NAV3: variants seen among roughly 807,000 people sequenced by gnomAD.
NAV3 encodes the protein neuron navigator 3.
NAV3 carries 87 observed loss-of-function variants against 244.7 expected under a neutral mutation model. The ratio of observed to expected loss-of-function variants is 0.36; its 90% confidence interval spans 0.30 to 0.42. NAV3 has a LOEUF of 0.42. Among genes scored for constraint, NAV3 ranks in the 20% least tolerant of loss-of-function variants. The pLI, the probability that NAV3 is intolerant of heterozygous loss-of-function variation, is 1.00. For missense variants in NAV3, 2,663 were observed against 2,893.3 expected (o/e 0.92, Z 1.83); for synonymous variants, 1,126 against 1,042.2 (o/e 1.08, Z -1.55).
chr12:78,156,524 C>T (rs1957311531), intron 22 of NAV3, among the ~76,000 whole-genome samples: 2 of 151,954 alleles, frequency 1.3e-5, no homozygotes, highest in Admixed American at 1.3e-4. Flanking sequence ...AACTTTAATT[C>T]ATATTAAATT....
intron 30 of NAV3, 107 bp from the exon 31 acceptor site, chr12:78,185,494 C>T (rs932976030): frequency 7.5e-6 from 7 of 929,752 alleles, no homozygotes; most frequent in Non-Finnish European, 1.1e-5. Flanking sequence ...GAATGGGAAG[C>T]AAATCCCATT....
intron 1 of NAV3, among the ~76,000 whole-genome samples, chr12:77,871,363 C>T (rs921626331): frequency 3.9e-5 from 6 of 151,992 alleles, no homozygotes; most frequent in Admixed American, 6.6e-5. Flanking sequence ...TAGGTAGACA[C>T]GTGCCATAAT....
chr12:77,836,426 G>C (rs1874644838), intron 1 of NAV3, among the ~76,000 whole-genome samples: 1 of 152,110 alleles, frequency 6.6e-6, no homozygotes, highest in Non-Finnish European at 1.5e-5. Context: ...GCAAACTCAA[G>C]ATTCTGTTTT....
intron 1 of NAV3, among the ~76,000 whole-genome samples, chr12:77,896,018 C>G (rs1250127967): frequency 7.0e-6 from 1 of 143,422 alleles, no homozygotes; most frequent in Non-Finnish European, 1.5e-5. Flanking sequence ...CAGTGAAAAT[C>G]TTTTACAAAA....
At chr12:77,814,663 C>T (rs1872457604) in intron 2 of NAV3, among the ~76,000 whole-genome samples, 2 of 152,094 alleles carry the variant, frequency 1.3e-5, no homozygotes, top group Admixed American at 6.5e-5. Flanking sequence ...CTACTTTCGT[C>T]CTTAATTAGA....
chr12:77,979,370 C>G (rs992403572), intron 5 of NAV3, among the ~76,000 whole-genome samples: 21 of 151,746 alleles, frequency 1.4e-4, no homozygotes, highest in African/African-American at 5.1e-4. Context: ...CCAGCCTGGT[C>G]ACAGAGATTC....
intron 9 of NAV3, among the ~76,000 whole-genome samples, chr12:78,035,656 A>T (rs1351693983): frequency 6.6e-6 from 1 of 152,166 alleles, no homozygotes; most frequent in Non-Finnish European, 1.5e-5. Context: ...CTTGACCATA[A>T]ACTTTCAATT....
intron 2 of NAV3, among the ~76,000 whole-genome samples, chr12:77,621,826 C>G (rs957990712): frequency 1.3e-5 from 2 of 152,068 alleles, no homozygotes; most frequent in Non-Finnish European, 2.9e-5. Flanking sequence ...CCTCCTTGAT[C>G]TCAAGAAGTC....
intron 2 of NAV3, among the ~76,000 whole-genome samples, chr12:77,587,654 T>C (rs1869679852): frequency 6.6e-6 from 1 of 152,194 alleles, no homozygotes; most frequent in Non-Finnish European, 1.5e-5. Flanking sequence ...AATGTAAAAT[T>C]AAAGGAGTCA....
At chr12:77,778,504 C>G (rs780779355) in intron 2 of NAV3, among the ~76,000 whole-genome samples, 1 of 150,332 alleles carries the variant, frequency 6.7e-6, no homozygotes, top group Non-Finnish European at 1.5e-5. Flanking sequence ...CCCAGCTACT[C>G]GGGAGGCTGA....
chr12:77,708,892 A>G (rs1875965239), intron 2 of NAV3, among the ~76,000 whole-genome samples: 1 of 152,076 alleles, frequency 6.6e-6, no homozygotes, highest in African/African-American at 2.4e-5. Flanking sequence ...AATGCTTGTG[A>G]TTTTTGCACA....
intron 5 of NAV3, among the ~76,000 whole-genome samples, chr12:77,989,049 A>C (rs984680494): frequency 9.9e-5 from 15 of 152,140 alleles, no homozygotes; most frequent in African/African-American, 3.6e-4. Flanking sequence ...TTGAAAGAAA[A>C]ATAATGAGAG....
At chr12:78,079,819 A>G (rs1438363138) in intron 12 of NAV3, among the ~76,000 whole-genome samples, 2 of 152,184 alleles carry the variant, frequency 1.3e-5, no homozygotes, top group African/African-American at 4.8e-5. Flanking sequence ...GATTCTATGC[A>G]TGATAAATAA....
rs971618956 is a variant in NAV3 at position 77,759,751 on chromosome 12, G to C, written c.73-180568G>C. Among the ~76,000 whole-genome samples, 3 of 136,304 alleles carry C rather than the reference G, an allele frequency of 2.2e-5. No individual in the cohort carries two copies. In the Admixed American group the frequency reaches 2.3e-4, roughly 10 times the overall value. The allele number at this position is 136,304 out of a possible 152,430, so 89.4% of individuals were successfully genotyped here. A position where few individuals can be genotyped will look rare whatever the true frequency, so the allele number is the denominator to read the frequency against. On this transcript the variant is annotated intron_variant, in intron 2 of 8. Coordinates refer to the NAV3 transcript ENST00000550042. ...AATAAAGTTGCTCATTGGTGAAGAC[G>C]GTCTGATTTTTATTTTTTTTTAACA...
intron 2 of NAV3, among the ~76,000 whole-genome samples, chr12:77,623,518 TG>T (rs1871475925): frequency 6.6e-6 from 1 of 152,294 alleles, no homozygotes; most frequent in African/African-American, 2.4e-5. Flanking sequence ...GCACAAATTT[TG>T]TAACAAAATC....
chr12:77,927,456 GC>G (rs2137261072), intron 1 of NAV3, among the ~76,000 whole-genome samples: 1 of 152,270 alleles, frequency 6.6e-6, no homozygotes, highest in Non-Finnish European at 1.5e-5. Flanking sequence ...ACTTACTGTT[GC>G]CACCTTGGGA....
At chr12:77,728,572 T>G (rs2137329970) in intron 2 of NAV3, among the ~76,000 whole-genome samples, 1 of 151,966 alleles carries the variant, frequency 6.6e-6, no homozygotes, top group South Asian at 2.1e-4. Context: ...GTAATACCGA[T>G]TGAATTTTGT....
At chr12:77,586,615 C>G (rs1201899366) in intron 2 of NAV3, among the ~76,000 whole-genome samples, 5 of 152,082 alleles carry the variant, frequency 3.3e-5, no homozygotes. Flanking sequence ...AAATCTAGAG[C>G]AACTAACTAT....
At chr12:77,984,350 G>T (rs527845341) in intron 5 of NAV3, among the ~76,000 whole-genome samples, 3 of 152,288 alleles carry the variant, frequency 2.0e-5, no homozygotes, top group Admixed American at 2.0e-4. Flanking sequence ...CATCAAAAGT[G>T]GTAAGTGAGA....
Sources: gnomAD v4.1 joint callset for allele counts (sites outside exome capture counted in the v4.1 genomes callset) on GRCh38, gnomAD v4.1.1 for gene constraint, MANE v1.5 for transcripts, NCBI Gene and HGNC (gene_info 2026-07-23, HGNC 2026-07-21) for gene names.